The following GAB2 variants were observed in gnomAD, a reference collection of about 807,000 sequenced individuals.
The protein encoded by GAB2 is GRB2 associated binding protein 2.
Under a neutral mutation model 65.5 loss-of-function variants are expected in GAB2, and 26 were observed. The observed-to-expected ratio is 0.40, with a 90% CI of 0.29 to 0.55. The LOEUF (loss-of-function observed/expected upper bound fraction) is 0.55. GAB2 is among the 20% of genes least tolerant of loss of function. The probability of loss-of-function intolerance (pLI) is 0.53; values close to 1 mark genes in which losing one functional copy is unlikely to be tolerated. For synonymous variants in GAB2, 321 were observed against 329.6 expected, an observed-to-expected ratio of 0.97 and a Z score of 0.28; for missense variants, 884 against 875.8, an observed-to-expected ratio of 1.01 and a Z score of -0.12.
At chr11:78,408,005 CAATT>C (rs1857077294) in intron 1 of GAB2, among the ~76,000 whole-genome samples, 1 of 151,944 alleles carries the variant, frequency 6.6e-6, no homozygotes, top group Non-Finnish European at 1.5e-5. Context: ...AAAATAAAGA[CAATT>C]TATCACTGGC....
intron 1 of GAB2, among the ~76,000 whole-genome samples, chr11:78,305,055 G>A (rs1056921680): frequency 6.6e-6 from 1 of 152,212 alleles, no homozygotes; most frequent in African/African-American, 2.4e-5. Context: ...CGGGAACTGA[G>A]CTGAGCTGAA....
chr11:78,343,987 C>T (rs1032165803), intron 1 of GAB2, among the ~76,000 whole-genome samples: 23 of 151,856 alleles, frequency 1.5e-4, no homozygotes, highest in Admixed American at 1.1e-3. Context: ...AGGAGAGTAA[C>T]GGCAGGAAGA....
At chr11:78,387,797 G>C (rs1312429781) in intron 1 of GAB2, among the ~76,000 whole-genome samples, 1 of 152,174 alleles carries the variant, frequency 6.6e-6, no homozygotes, top group African/African-American at 2.4e-5. Context: ...TTCAAATTCA[G>C]TTTATTTTAT....
At chr11:78,275,125 C>T (rs1356302874) in intron 2 of GAB2, among the ~76,000 whole-genome samples, 1 of 152,076 alleles carries the variant, frequency 6.6e-6, no homozygotes, top group African/African-American at 2.4e-5. Flanking sequence ...CATGAAGACT[C>T]AGGTGACTGG....
At chr11:78,386,633 G>A (rs1049698135) in intron 1 of GAB2, among the ~76,000 whole-genome samples, 3 of 152,146 alleles carry the variant, frequency 2.0e-5, no homozygotes, top group Admixed American at 2.0e-4. Flanking sequence ...CTGCAAGAAG[G>A]CCTGGAGGTT....
intron 1 of GAB2, among the ~76,000 whole-genome samples, chr11:78,401,330 A>G (rs542628751): frequency 3.3e-5 from 5 of 152,336 alleles, no homozygotes; most frequent in Non-Finnish European, 7.3e-5. Flanking sequence ...AACTAGCACT[A>G]GACTTTCTGT....
In GAB2 at chr11:78,352,254, G is replaced by C. The variant is rs539947821; in HGVS notation, c.75+65392C>G. On this transcript the variant is annotated intron_variant, in intron 1 of 9. Coordinates refer to ENST00000361507, the MANE Select transcript of GAB2 (RefSeq NM_080491.3). ...AACACACAACCACACAAAACAACTG[G>C]GGGCCAAAGTCAGACGGGGACTAGC... 5.3e-5 allele frequency among the ~76,000 whole-genome samples: 8 copies of C among 152,238 alleles called. No homozygotes were observed. In the South Asian group the frequency reaches 1.7e-3, roughly 32 times the overall value.
chr11:78,354,817 C>G (rs1366585899), intron 1 of GAB2, among the ~76,000 whole-genome samples: 1 of 152,176 alleles, frequency 6.6e-6, no homozygotes, highest in East Asian at 1.9e-4. Flanking sequence ...TAGGAGAGAA[C>G]TGGGGCTAGT....
intron 1 of GAB2, among the ~76,000 whole-genome samples, chr11:78,346,674 CATATATATATATAT>C (rs71046967): frequency 0.21 from 11,699 of 54,492 alleles, 1,262 homozygotes; most frequent in Non-Finnish European, 0.27. Flanking sequence ...ACATCCCCTC[CATATATATATATAT>C]ATATATATAT....
chr11:78,231,169 C>T (rs1262926755), intron 3 of GAB2, among the ~76,000 whole-genome samples: 1 of 152,134 alleles, frequency 6.6e-6, no homozygotes, highest in African/African-American at 2.4e-5. Flanking sequence ...AACACAAGCA[C>T]GTATGGGAGC....
intron 3 of GAB2, among the ~76,000 whole-genome samples, chr11:78,229,866 TC>T (rs1427799789): frequency 6.6e-6 from 1 of 152,184 alleles, no homozygotes; most frequent in Non-Finnish European, 1.5e-5. Flanking sequence ...TCTGGCAAGT[TC>T]CTACTCCATT....
chr11:78,331,305 G>A (rs1855910367), intron 1 of GAB2, among the ~76,000 whole-genome samples: 2 of 150,592 alleles, frequency 1.3e-5, no homozygotes, highest in South Asian at 4.2e-4. Context: ...GAGTGCAGTG[G>A]CACAATCTCG....
At chr11:78,222,725 G>A (rs1177885317) in intron 6 of GAB2, among the ~76,000 whole-genome samples, 1 of 152,004 alleles carries the variant, frequency 6.6e-6, no homozygotes, top group Non-Finnish European at 1.5e-5. Flanking sequence ...TGGGACTATA[G>A]GCGCCTGCCA....
At chr11:78,410,247 T>C (rs1344799395) in intron 1 of GAB2, among the ~76,000 whole-genome samples, 1 of 152,258 alleles carries the variant, frequency 6.6e-6, no homozygotes, top group African/African-American at 2.4e-5. Flanking sequence ...CTCATGCCTG[T>C]AATTGCAGCA....
chr11:78,354,029 C>T (rs545325896), intron 1 of GAB2, among the ~76,000 whole-genome samples: 7 of 152,298 alleles, frequency 4.6e-5, no homozygotes, highest in African/African-American at 1.7e-4. Context: ...GGGGATCTTA[C>T]GTGATGTTGG....
intron 1 of GAB2, among the ~76,000 whole-genome samples, chr11:78,354,613 C>T (rs1267537065): frequency 1.3e-5 from 2 of 152,076 alleles, no homozygotes; most frequent in African/African-American, 4.8e-5. Context: ...GTCTGGACAG[C>T]AATACAGCTT....
chr11:78,244,737 G>A (rs1272351513), intron 3 of GAB2, among the ~76,000 whole-genome samples: 1 of 144,244 alleles, frequency 6.9e-6, no homozygotes, highest in African/African-American at 2.5e-5. Context: ...ACCACAATGA[G>A]ATATTATCTC....
At chr11:78,321,813 G>T (rs1366515445) in intron 1 of GAB2, among the ~76,000 whole-genome samples, 1 of 151,110 alleles carries the variant, frequency 6.6e-6, no homozygotes, top group East Asian at 1.9e-4. Flanking sequence ...CAATGGAACA[G>T]AATAGAGAAC....
chr11:78,270,782 G>A (rs1393565782), intron 2 of GAB2, among the ~76,000 whole-genome samples: 4 of 152,164 alleles, frequency 2.6e-5, no homozygotes, highest in Non-Finnish European at 4.4e-5. Flanking sequence ...AAAGTGAAGT[G>A]AGCAGCTGCT....
Sources: allele counts gnomAD v4.1 joint callset (sites outside exome capture counted in the v4.1 genomes callset), GRCh38; gene constraint gnomAD v4.1.1; transcripts MANE v1.5; gene names NCBI Gene and HGNC (gene_info 2026-07-23, HGNC 2026-07-21).